Variants in NEDD4L observed in about 807,000 individuals in gnomAD.
The protein encoded by NEDD4L is E3 ubiquitin-protein ligase NEDD4-like.
Under a neutral mutation model 148.9 loss-of-function variants are expected in NEDD4L, and 54 were observed. The observed-to-expected ratio is 0.36, with a 90% CI of 0.29 to 0.45. NEDD4L has a LOEUF of 0.45. NEDD4L is among the 20% of genes least tolerant of loss of function. The pLI, the probability that NEDD4L is intolerant of heterozygous loss-of-function variation, is 1.00. For missense variants in NEDD4L, 856 were observed against 1,233.8 expected, an observed-to-expected ratio of 0.69 and a Z score of 4.59; for synonymous variants, 433 against 440.7, an observed-to-expected ratio of 0.98 and a Z score of 0.22.
intron 1 of NEDD4L, among the ~76,000 whole-genome samples, chr18:58,066,940 C>G (rs990035734): frequency 6.6e-6 from 1 of 152,176 alleles, no homozygotes; most frequent in African/African-American, 2.4e-5. Flanking sequence ...CTGGGGATTG[C>G]AATTCCACAT....
At chr18:58,310,341 G>T (rs147586523) in intron 5 of NEDD4L, among the ~76,000 whole-genome samples, 53 of 152,280 alleles carry the variant, frequency 3.5e-4, no homozygotes, top group African/African-American at 1.2e-3. Context: ...AAATTAAATG[G>T]CAGAGGAGCT....
intron 5 of NEDD4L, among the ~76,000 whole-genome samples, chr18:58,312,034 G>A (rs2057756849): frequency 6.6e-6 from 1 of 152,172 alleles, no homozygotes; most frequent in Non-Finnish European, 1.5e-5. Flanking sequence ...TAGTTCATCA[G>A]TATTTACCGC....
intron 5 of NEDD4L, among the ~76,000 whole-genome samples, chr18:58,311,756 A>G (rs1049115788): frequency 5.3e-5 from 8 of 152,186 alleles, no homozygotes; most frequent in African/African-American, 1.7e-4. Flanking sequence ...TCTTTGAGAA[A>G]TTGAGTCTTG....
At chr18:58,101,042 G>A (rs1269151931) in intron 1 of NEDD4L, among the ~76,000 whole-genome samples, 1 of 152,190 alleles carries the variant, frequency 6.6e-6, no homozygotes, top group African/African-American at 2.4e-5. Flanking sequence ...CTGGGCTCAA[G>A]GGATCCTCCC....
At chr18:58,044,738 T>A (rs760261626) in intron 1 of NEDD4L, 30 bp downstream of exon 1, 7 of 1,599,068 alleles carry the variant, frequency 4.4e-6, no homozygotes, top group Non-Finnish European at 6.0e-6. Context: ...TGCTCGGGAC[T>A]CCCCGGGGAG....
At chr18:58,279,917 A>C (rs537924953) in intron 5 of NEDD4L, among the ~76,000 whole-genome samples, 20 of 152,278 alleles carry the variant, frequency 1.3e-4, no homozygotes, top group African/African-American at 4.6e-4. Flanking sequence ...GCAGAGAAAA[A>C]GCTCTCTGAT....
At chr18:58,367,128 C>T (rs555949626) in intron 21 of NEDD4L, 37 of 152,446 alleles carry the variant, frequency 2.4e-4, no homozygotes, top group African/African-American at 8.9e-4. Context: ...AAGATACCCC[C>T]ACCCCGGAGG....
At chr18:58,149,034 G>A (rs1161361905) in intron 1 of NEDD4L, among the ~76,000 whole-genome samples, 1 of 152,192 alleles carries the variant, frequency 6.6e-6, no homozygotes, top group Non-Finnish European at 1.5e-5. Context: ...CCTGGGTTTT[G>A]GAGATGCTCA....
intron 8 of NEDD4L, among the ~76,000 whole-genome samples, chr18:58,324,587 G>A (rs1204627585): frequency 6.6e-6 from 1 of 152,206 alleles, no homozygotes; most frequent in African/African-American, 2.4e-5. Flanking sequence ...TAGAGGTGTT[G>A]AAAAGATGGC....
intron 2 of NEDD4L, among the ~76,000 whole-genome samples, chr18:58,198,984 G>A (rs2041075995): frequency 6.6e-6 from 1 of 152,230 alleles, no homozygotes; most frequent in Admixed American, 6.5e-5. Context: ...TAGAGACGGG[G>A]TTTTGCCATG....
intron 22 of NEDD4L, among the ~76,000 whole-genome samples, chr18:58,369,055 G>A (rs1356561590): frequency 6.6e-6 from 1 of 152,204 alleles, no homozygotes; most frequent in Non-Finnish European, 1.5e-5. Flanking sequence ...TTTTAGCGGG[G>A]GGAAAAGAGA....
At chr18:58,304,571 G>A (rs1375956450) in intron 5 of NEDD4L, among the ~76,000 whole-genome samples, 1 of 152,174 alleles carries the variant, frequency 6.6e-6, no homozygotes, top group Non-Finnish European at 1.5e-5. Context: ...TAATATCAAT[G>A]ACTGTGCAAG....
chr18:58,302,965 G>A lies in NEDD4L; in HGVS notation c.298-13017G>A, dbSNP rs923464639. Among the ~76,000 whole-genome samples the A allele has an allele frequency of 2.6e-5, 4 of 152,252 alleles. No homozygotes were observed. The South Asian group carries it at 6.2e-4, about 24-fold the overall frequency. ...TAGTCGTCAGTAGAGGGCATGCAGT[G>A]CAACAGAAGTGGATTTCAGGACTGA... On this transcript the variant is annotated intron_variant, in intron 5 of 30. Coordinates refer to ENST00000400345, the MANE Select transcript of NEDD4L (RefSeq NM_001144967.3).
At chr18:58,332,631 G>C (rs1200181085) in intron 11 of NEDD4L, among the ~76,000 whole-genome samples, 10 of 152,180 alleles carry the variant, frequency 6.6e-5, no homozygotes, top group Admixed American at 6.5e-4. Context: ...CTGAGCAACA[G>C]AGTGACACTT....
intron 2 of NEDD4L, among the ~76,000 whole-genome samples, chr18:58,228,686 A>C (rs2044674630): frequency 6.6e-6 from 1 of 152,212 alleles, no homozygotes; most frequent in Non-Finnish European, 1.5e-5. Context: ...CTGGTGCTCA[A>C]GCCTGAGGTC....
At chr18:58,206,612 A>G (rs1257892723) in intron 2 of NEDD4L, among the ~76,000 whole-genome samples, 5 of 152,212 alleles carry the variant, frequency 3.3e-5, no homozygotes, top group Non-Finnish European at 7.3e-5. Flanking sequence ...TCTTTGCTGG[A>G]CATGGTAACG....
At chr18:58,076,850 CTTTTT>C (rs375840476) in intron 1 of NEDD4L, among the ~76,000 whole-genome samples, 2 of 136,458 alleles carry the variant, frequency 1.5e-5, no homozygotes, top group Admixed American at 1.5e-4. Flanking sequence ...AATATACCTG[CTTTTT>C]TTTTTTTTTT....
intron 1 of NEDD4L, among the ~76,000 whole-genome samples, chr18:58,096,900 T>G (rs542096325): frequency 1.3e-4 from 20 of 152,338 alleles, no homozygotes; most frequent in Admixed American, 3.9e-4. Context: ...AGAATCTTTA[T>G]CATTGTGCTA....
intron 1 of NEDD4L, among the ~76,000 whole-genome samples, chr18:58,086,143 G>C (rs904439193): frequency 6.6e-6 from 1 of 152,098 alleles, no homozygotes; most frequent in Non-Finnish European, 1.5e-5. Flanking sequence ...TGACTCCATT[G>C]AGCTCTGTAG....
Sources: gnomAD v4.1 joint callset for allele counts (sites outside exome capture counted in the v4.1 genomes callset) on GRCh38, gnomAD v4.1.1 for gene constraint, MANE v1.5 for transcripts, NCBI Gene and HGNC (gene_info 2026-07-23, HGNC 2026-07-21) for gene names.